KIF26A: variants seen among roughly 807,000 people sequenced by gnomAD.
KIF26A encodes kinesin family member 26A.
In KIF26A, 74 loss-of-function variants were observed where a neutral mutation model predicts 126.0. That is an observed-to-expected ratio of 0.59 (90% CI 0.49 to 0.71). KIF26A has a LOEUF of 0.71. Ranked by LOEUF, KIF26A falls within the 30% of genes least tolerant of loss-of-function variation. KIF26A has a pLI of 0.00. For missense variants in KIF26A, 2,984 were observed against 2,763.3 expected, an observed-to-expected ratio of 1.08 and a Z score of -1.79; for synonymous variants, 1,445 against 1,232.7, an observed-to-expected ratio of 1.17 and a Z score of -3.61.
At chr14:104,168,473 G>A (rs544528537) in intron 5 of KIF26A, among the ~76,000 whole-genome samples, 3 of 152,314 alleles carry the variant, frequency 2.0e-5, no homozygotes, top group East Asian at 3.9e-4. Flanking sequence ...GCTCTGGGGC[G>A]GCCTGTGGGG....
intron 3 of KIF26A, among the ~76,000 whole-genome samples, chr14:104,153,210 C>A (rs1016297155): frequency 2.6e-5 from 4 of 152,134 alleles, no homozygotes; most frequent in African/African-American, 9.7e-5. Context: ...ACATCAAGAT[C>A]CTGCCCCAGC....
Position 104,177,107 on chromosome 14 carries a change from G to T in KIF26A, c.4319G>T (p.Arg1440Leu), listed in dbSNP as rs575848831. The T allele has an allele frequency of 1.9e-6, 3 of 1,597,410 alleles. No homozygotes were observed. The highest frequency in any genetic ancestry group is 2.2e-5 in the East Asian group (1 of 44,836). Residue 1440 changes from arginine (R) to leucine (L), a missense_variant, in exon 12 of 15, where the codon CGG (arginine) becomes CTG (leucine). Coordinates refer to ENST00000423312, the MANE Select transcript of KIF26A (RefSeq NM_015656.2). The stretch of plus-strand genomic sequence containing the variant: ...CTTGCCGGACACGCGTCTCTGGAGC[G>T]GTACGAAGGCCTGGCGCACAGCAGC... Reference protein sequence around the residue: ...HRLAGHASLERYEGLAHSSSK... With the variant: ...HRLAGHASLELYEGLAHSSSK...
At chr14:104,149,355 C>G (rs945235444) in intron 2 of KIF26A, among the ~76,000 whole-genome samples, 1 of 152,172 alleles carries the variant, frequency 6.6e-6, no homozygotes, top group African/African-American at 2.4e-5. Context: ...CTGTGGGGCC[C>G]GGCCTCCAGG....
Position 104,176,817 on chromosome 14 carries a change from G to C in KIF26A, c.4029G>C (p.Lys1343Asn). The C allele has an allele frequency of 1.3e-6, 2 of 1,557,680 alleles. No individual in the cohort carries two copies. The highest frequency in any genetic ancestry group is 1.7e-6 in the Non-Finnish European group (2 of 1,152,230). The change falls in exon 12 of 15, where the codon AAG becomes AAC. Residue 1343 changes from lysine (K) to asparagine (N), a missense_variant. Lys to Asn is a moderately conservative substitution (Grantham distance 94, BLOSUM62 0). Transcript: ENST00000423312. ...GCCTGAAGGCCTCCCCCACCAGCAA[G>C]AAGGGTCTGGCTCCCAAGGCGGGCT... is the stretch of plus-strand genomic sequence containing the variant. Reference protein sequence around the residue: ...SGSLKASPTSKKGLAPKAGFL... With the variant: ...SGSLKASPTSNKGLAPKAGFL...
At chr14:104,157,404 T>C (rs2037790010) in intron 3 of KIF26A, among the ~76,000 whole-genome samples, 2 of 152,100 alleles carry the variant, frequency 1.3e-5, no homozygotes, top group Admixed American at 6.5e-5. Context: ...TCTTGACCAG[T>C]GTGGTCGCTG....
chr14:104,177,453 C>T lies in KIF26A; in HGVS notation c.4665C>T (p.Gly1555=). The T allele has an allele frequency of 1.3e-6, 2 of 1,528,748 alleles. No individual in the cohort carries two copies. The highest frequency in any genetic ancestry group is 1.8e-6 in the Non-Finnish European group (2 of 1,142,622). 94.7% of individuals were successfully genotyped at this position (1,528,748 alleles called of 1,614,324 possible). ...AGGCTGGCCGGGGTACCGTCATGGGCACAAAGCAGGCGCTCCGGGCTGCTC... is the reference window on the plus strand; with the variant it reads ...AGGCTGGCCGGGGTACCGTCATGGGTACAAAGCAGGCGCTCCGGGCTGCTC... The part of the protein sequence containing the change: ...GAKAGRGTVM[G]TKQALRAAHS... The change falls in exon 12 of 15, where the codon GGC becomes GGT. Residue 1555 remains glycine (G), a synonymous_variant. Coordinates refer to ENST00000423312, the MANE Select transcript of KIF26A (RefSeq NM_015656.2).
Position 104,157,832 on chromosome 14 carries a change from G to A in KIF26A, c.813G>A (p.Leu271=). 1 of 1,609,630 alleles carries A rather than the reference G, an allele frequency of 6.2e-7. No homozygotes were observed. The highest frequency in any genetic ancestry group is 2.2e-5 in the East Asian group (1 of 44,760). Residue 271 remains leucine, a synonymous_variant, in exon 4 of 15, where the codon TTG becomes TTA. Coordinates refer to ENST00000423312, the MANE Select transcript of KIF26A (RefSeq NM_015656.2). ...CCCCCGTGGCCGGCCCTGATGGCTTGTCGAAGGCCTGGGGCCGTGGTGGAG... is the reference window on the plus strand; with the variant it reads ...CCCCCGTGGCCGGCCCTGATGGCTTATCGAAGGCCTGGGGCCGTGGTGGAG... ...ECPPVAGPDG[L]SKAWGRGGVC... is the part of the protein sequence containing the mutation.
In KIF26A at chr14:104,175,492, A is replaced by C; in HGVS notation, c.2704A>C (p.Ser902Arg). The C allele has an allele frequency of 6.3e-7, 1 of 1,594,726 alleles. No homozygotes were observed. Among genetic ancestry groups the C allele is most frequent in the Non-Finnish European group, 8.5e-7 (1 of 1,177,560 alleles). Reference sequence around the variant, plus strand: ...GATGGCTGCCAGCACCCCTCGAGGCAGTTCTGGTCCAGACACCCACCAGGG... The same window carrying C: ...GATGGCTGCCAGCACCCCTCGAGGCCGTTCTGGTCCAGACACCCACCAGGG... Reference protein sequence around the residue: ...TPMAASTPRGSSGPDTHQGTP... With the variant: ...TPMAASTPRGRSGPDTHQGTP... The change falls in exon 12 of 15, where the codon AGT becomes CGT. Residue 902 changes from serine (S) to arginine (R), a missense_variant. Physicochemically the swap from Ser to Arg is moderately radical, Grantham distance 110. Coordinates refer to ENST00000423312, the MANE Select transcript of KIF26A (RefSeq NM_015656.2).
intron 4 of KIF26A, among the ~76,000 whole-genome samples, chr14:104,161,787 A>G (rs981638545): frequency 1.3e-5 from 2 of 152,232 alleles, no homozygotes; most frequent in African/African-American, 4.8e-5. Flanking sequence ...ATCTCAGGGC[A>G]TCAGGGCAGG....
Position 104,164,740 on chromosome 14 carries a change from C to CGTGTCTGTGTCTGTGT in KIF26A, c.924-2118_924-2117insTGTCTGTGTCTGTGTG, listed in dbSNP as rs1425305425. Among the ~76,000 whole-genome samples the CGTGTCTGTGTCTGTGT allele has an allele frequency of 3.4e-4, 50 of 147,678 alleles. No homozygotes were observed. In the East Asian group the frequency reaches 8.1e-3, roughly 24 times the overall value. ...GTGTGTGTGCGTGTCTGTGTGTGTG[C>CGTGTCTGTGTCTGTGT]GCGTGTCTGTGTGTGTGCGCGTGTC... On this transcript the variant is annotated intron_variant, in intron 4 of 14. Coordinates refer to ENST00000423312, the MANE Select transcript of KIF26A (RefSeq NM_015656.2).
Position 104,176,669 on chromosome 14 carries a change from C to T in KIF26A, c.3881C>T (p.Ala1294Val). 1 of 1,598,254 alleles carries T rather than the reference C, an allele frequency of 6.3e-7. No individual in the cohort carries two copies. The highest frequency in any genetic ancestry group is 8.5e-7 in the Non-Finnish European group (1 of 1,172,192). The change falls in exon 12 of 15, where the codon GCC becomes GTC. Residue 1294 changes from alanine (A) to valine (V), a missense_variant. Ala to Val is a moderately conservative substitution (Grantham distance 64). Transcript: ENST00000423312. The stretch of plus-strand genomic sequence containing the variant: ...GGGTGTGAGGTGGCAGCCAGGGCGG[C>T]CCGCAGGCCAGAGGCTGTGGCTCGG... The part of the protein sequence containing the change: ...VDGCEVAARA[A>V]RRPEAVARIP...
intron 4 of KIF26A, 48 bp downstream of exon 4, chr14:104,157,990 C>T: frequency 1.4e-6 from 2 of 1,452,100 alleles, no homozygotes; most frequent in Non-Finnish European, 1.8e-6. Flanking sequence ...GGCCCCATGG[C>T]CCCGGCTGTG....
Position 104,180,675 on chromosome 14 carries a change from C to G in KIF26A, c.*885C>G, listed in dbSNP as rs1190624111. 1.3e-5 allele frequency: 2 copies of G among 154,030 alleles called. No individual in the cohort carries two copies. The highest frequency in any genetic ancestry group is 4.8e-5 in the African/African-American group (2 of 41,458). The allele number at this position is 154,030 out of a possible 1,614,324, so 9.5% of individuals were successfully genotyped here. On this transcript the variant is annotated 3_prime_UTR_variant, in exon 15 of 15. Coordinates refer to ENST00000423312, the MANE Select transcript of KIF26A (RefSeq NM_015656.2). Reference sequence around the variant, plus strand: ...CTCTCCAGCTGTGGGAGGCCTGCTCCCTCTGGGGGGCACCCTGGGCAGGGT... The same window carrying G: ...CTCTCCAGCTGTGGGAGGCCTGCTCGCTCTGGGGGGCACCCTGGGCAGGGT...
intron 3 of KIF26A, 75 bp from the exon 4 acceptor site, chr14:104,157,680 T>C: frequency 1.3e-6 from 2 of 1,485,010 alleles, no homozygotes; most frequent in Non-Finnish European, 1.8e-6. Flanking sequence ...GGCCTGTCTC[T>C]CCCACTCCGG....
In KIF26A at chr14:104,177,082, C is replaced by G. The variant is rs762226831; in HGVS notation, c.4294C>G (p.Leu1432Val). Residue 1432 changes from leucine (L) to valine (V), a missense_variant, in exon 12 of 15, where the codon CTT becomes GTT. Physicochemically the swap from Leu to Val is conservative, Grantham distance 32. Coordinates refer to ENST00000423312, the MANE Select transcript of KIF26A (RefSeq NM_015656.2). ...CAGCAAGGTAGAAGCAGCACACCGT[C>G]TTGCCGGACACGCGTCTCTGGAGCG... ...RASKVEAAHRLAGHASLERYE... is the reference protein window; with the variant it reads ...RASKVEAAHRVAGHASLERYE... 6.3e-7 allele frequency: 1 copy of G among 1,595,736 alleles called. No individual in the cohort carries two copies. Among genetic ancestry groups the G allele is most frequent in the Non-Finnish European group, 8.5e-7 (1 of 1,178,752 alleles).
chr14:104,158,363 G>A lies in KIF26A; in HGVS notation c.923+421G>A, dbSNP rs373973531. 5.3e-5 allele frequency among the ~76,000 whole-genome samples: 8 copies of A among 152,352 alleles called. No homozygotes were observed. In the South Asian group the frequency reaches 6.2e-4, roughly 12 times the overall value. On this transcript the variant is annotated intron_variant, in intron 4 of 14. Coordinates refer to ENST00000423312, the MANE Select transcript of KIF26A (RefSeq NM_015656.2). ...CTGTGAAGCCTGGAGAATGTGGCCC[G>A]GAGTGGGGCAGCTCAGCTGTGGACA...
chr14:104,152,150 C>A lies in KIF26A; in HGVS notation c.424C>A (p.Leu142Met). 6.2e-7 allele frequency: 1 copy of A among 1,610,502 alleles called. No homozygotes were observed. The highest frequency in any genetic ancestry group is 8.5e-7 in the Non-Finnish European group (1 of 1,179,318). The change falls in exon 3 of 15, where the codon CTG (leucine) becomes ATG (methionine). Residue 142 changes from leucine (L) to methionine (M), a missense_variant. Transcript: ENST00000423312. This position sits in a 1 kb window ranked among gnomAD's most constrained non-coding sequence, Gnocchi z 5.9. ...GCAGCTCACACGGGAGGCCATGCAC[C>A]TGCTGCAGGCCCCTGCCAGCCATGA... The part of the protein sequence containing the change: ...LQQLTREAMH[L>M]LQAPASHEDL...
chr14:104,172,333 C>A (rs2037968078), intron 6 of KIF26A, among the ~76,000 whole-genome samples: 1 of 152,388 alleles, frequency 6.6e-6, no homozygotes, highest in Admixed American at 6.5e-5. Context: ...GGCTGGACTT[C>A]TGGGCTTTGC....
chr14:104,142,811 T>G (rs565353458), intron 2 of KIF26A, among the ~76,000 whole-genome samples: 1 of 152,198 alleles, frequency 6.6e-6, no homozygotes, highest in Non-Finnish European at 1.5e-5. Context: ...GGGGTCCGGG[T>G]CACCTGGAGG....
Sources: gnomAD v4.1 joint callset for allele counts (sites outside exome capture counted in the v4.1 genomes callset) on GRCh38, gnomAD v4.1.1 for gene constraint, Gnocchi (gnomAD v3.1) non-coding constraint, MANE v1.5 for transcripts, NCBI Gene and HGNC (gene_info 2026-07-23, HGNC 2026-07-21) for gene names.